Variants in NAT16 observed in about 807,000 individuals in gnomAD.
NAT16 encodes the protein N-acetyltransferase 16 (putative), also known as probable N-acetyltransferase 16.
In NAT16, 16 loss-of-function variants were observed where a neutral mutation model predicts 15.9. The ratio of observed to expected loss-of-function variants is 1.01; its 90% CI spans 0.68 to 1.53. NAT16 has a LOEUF of 1.53. NAT16 is among the 40% of genes most tolerant of loss of function. The pLI is 0.00. For synonymous variants in NAT16, 260 were observed against 241.9 expected, an observed-to-expected ratio of 1.07 and a Z score of -0.69; for missense variants, 572 against 508.4, an observed-to-expected ratio of 1.13 and a Z score of -1.20.
rs1797332448 is a variant in NAT16 at position 101,172,005 on chromosome 7, G to A, written c.*74C>T. 1 of 1,084,580 alleles carries A rather than the reference G, an allele frequency of 9.2e-7. No individual in the cohort carries two copies. Among genetic ancestry groups the A allele is most frequent in the Non-Finnish European group, 1.4e-6 (1 of 736,118 alleles). The allele number at this position is 1,084,580 out of a possible 1,614,324, so 67.2% of individuals were successfully genotyped here. On this transcript the variant is annotated 3_prime_UTR_variant, in exon 4 of 4. Coordinates refer to ENST00000300303, the MANE Select transcript of NAT16 (RefSeq NM_198571.3). This position sits in a 1 kb window ranked among gnomAD's most constrained non-coding sequence, Gnocchi z 4.2. ...CCCAGGAGACGCAGCGTCGGAAATGGCAGGAAAGAGGCTGGCTGGGGAAAC... is the reference window on the plus strand; with the variant it reads ...CCCAGGAGACGCAGCGTCGGAAATGACAGGAAAGAGGCTGGCTGGGGAAAC...
chr7:101,174,115 A>C, intron 2 of NAT16: 1 of 305,512 alleles, frequency 3.3e-6, no homozygotes, highest in Non-Finnish European at 6.0e-6. Context: ...CTCCCCCGGG[A>C]GTTTGCCACG....
chr7:101,174,968 T>C (rs1257400932), intron 1 of NAT16, among the ~76,000 whole-genome samples, 157 bp from the exon 2 acceptor site: 1 of 152,238 alleles, frequency 6.6e-6, no homozygotes, highest in Non-Finnish European at 1.5e-5. Context: ...ATTTATTTAT[T>C]TTTTGAGACG....
chr7:101,174,729 G>T lies in NAT16; in HGVS notation c.79C>A (p.Pro27Thr). The T allele has an allele frequency of 6.2e-7, 1 of 1,611,104 alleles. No individual in the cohort carries two copies. Among genetic ancestry groups the T allele is most frequent in the Non-Finnish European group, 8.5e-7 (1 of 1,179,558 alleles). ...TCCTGTGGCCGGGTTTCAGAGCTTG[G>T]CTCTGCATCTCGGGCAGTCTTCTTT... ...PEKKTARDAE[P>T]SSETRPQEVE... The change falls in exon 2 of 4, where the codon CCA (proline) becomes ACA (threonine). Residue 27 changes from proline (P) to threonine (T), a missense_variant. By Grantham distance (38) the Pro-to-Thr change is conservative (BLOSUM62 -1). Coordinates refer to ENST00000300303, the MANE Select transcript of NAT16 (RefSeq NM_198571.3).
chr7:101,173,860 G>T, intron 2 of NAT16: 1 of 340,014 alleles, frequency 2.9e-6, no homozygotes. Context: ...CCTAGTAGCT[G>T]GGACAACAGG....
chr7:101,172,467 G>C lies in NAT16; in HGVS notation c.722C>G (p.Thr241Ser), dbSNP rs1329726933. Reference protein sequence around the residue: ...SVQRDVLPGGTIIQDWQPYRP... With the variant: ...SVQRDVLPGGSIIQDWQPYRP... ...GTAGGGCTGCCAGTCCTGGATGATG[G>C]TCCCGCCTGGAAGCACGTCGCGCTG... is the stretch of plus-strand genomic sequence containing the variant. Residue 241 changes from threonine (T) to serine (S), a missense_variant, in exon 4 of 4, where the codon ACC (threonine) becomes AGC (serine). Thr to Ser is a moderately conservative substitution (Grantham distance 58). Transcript: ENST00000300303. This position sits in a 1 kb window ranked among gnomAD's most constrained non-coding sequence, Gnocchi z 4.2. 28 of 1,600,542 alleles carry C rather than the reference G, an allele frequency of 1.7e-5. No homozygotes were observed. The highest frequency in any genetic ancestry group is 2.3e-5 in the Non-Finnish European group (27 of 1,177,330).
At chr7:101,173,650 G>T in intron 2 of NAT16, 130 bp from the exon 3 acceptor site, 1 of 766,782 alleles carries the variant, frequency 1.3e-6, no homozygotes, top group South Asian at 1.9e-5. Context: ...GGCCAGGCCT[G>T]GGGTAGCACG....
In NAT16 at chr7:101,172,311, G is replaced by A. The variant is rs756447039; in HGVS notation, c.878C>T (p.Thr293Ile). 6.2e-7 allele frequency: 1 copy of A among 1,610,470 alleles called. No homozygotes were observed. The highest frequency in any genetic ancestry group is 8.5e-7 in the Non-Finnish European group (1 of 1,178,936). ...PFPIPHGGDGTWRYLNIDAFG... is the reference protein window; with the variant it reads ...PFPIPHGGDGIWRYLNIDAFG... The stretch of plus-strand genomic sequence containing the variant: ...GGCGTCGATGTTGAGATAGCGCCAA[G>A]TGCCGTCCCCTCCGTGCGGGATGGG... The change falls in exon 4 of 4, where the codon ACT becomes ATT. Residue 293 changes from threonine to isoleucine, a missense_variant. Thr to Ile is a moderately conservative substitution (Grantham distance 89). Transcript: ENST00000300303. The surrounding 1 kb of genome is among the most constrained non-coding windows in gnomAD (Gnocchi z 4.2).
chr7:101,172,189 A>G lies in NAT16; in HGVS notation c.1000T>C (p.Phe334Leu), dbSNP rs1226486881. 1 of 1,613,930 alleles carries G rather than the reference A, an allele frequency of 6.2e-7. No individual in the cohort carries two copies. Among genetic ancestry groups the G allele is most frequent in the Middle Eastern group, 1.7e-4 (1 of 6,060 alleles). Residue 334 changes from phenylalanine (F) to leucine (L), a missense_variant, in exon 4 of 4, where the codon TTC (phenylalanine) becomes CTC (leucine). Transcript: ENST00000300303. The surrounding 1 kb of genome is among the most constrained non-coding windows in gnomAD (Gnocchi z 4.2). Reference protein sequence around the residue: ...LVGLNVMCQLFLEPQLWSQLA... With the variant: ...LVGLNVMCQLLLEPQLWSQLA... Reference sequence around the variant, plus strand: ...TGTGACCACAGCTGGGGCTCCAGGAAGAGCTGGCACATGACGTTGAGGCCA... The same window carrying G: ...TGTGACCACAGCTGGGGCTCCAGGAGGAGCTGGCACATGACGTTGAGGCCA...
chr7:101,172,675 G>A lies in NAT16; in HGVS notation c.538-24C>T, dbSNP rs201125111. On this transcript the variant is annotated intron_variant, in intron 3 of 3. Coordinates refer to ENST00000300303, the MANE Select transcript of NAT16 (RefSeq NM_198571.3). This position sits in a 1 kb window ranked among gnomAD's most constrained non-coding sequence, Gnocchi z 4.2. ...CCCTGCGGGGGGCACGAGTGAGCGC[G>A]GGGAGGGGGGGCGCAGCAGGGCTGG... is the stretch of plus-strand genomic sequence containing the variant. The A allele has an allele frequency of 1.4e-4, 196 of 1,450,710 alleles. No homozygotes were observed. Among genetic ancestry groups the A allele is most frequent in the Non-Finnish European group, 1.7e-4 (185 of 1,110,192 alleles). The allele number at this position is 1,450,710 out of a possible 1,614,324, so 89.9% of individuals were successfully genotyped here.
chr7:101,172,353 A>G lies in NAT16; in HGVS notation c.836T>C (p.Leu279Pro), dbSNP rs967946590. 1 of 1,590,132 alleles carries G rather than the reference A, an allele frequency of 6.3e-7. No homozygotes were observed. The highest frequency in any genetic ancestry group is 1.3e-5 in the African/African-American group (1 of 74,234). ...DSRARPRVLT[L>P]CTRPFPIPHG... The stretch of plus-strand genomic sequence containing the variant: ...CGGGATGGGGAAGGGGCGCGTGCAC[A>G]GCGTGAGCACGCGCGGGCGCGCGCG... The change falls in exon 4 of 4, where the codon CTG becomes CCG. Residue 279 changes from leucine (L) to proline (P), a missense_variant. Transcript: ENST00000300303. The surrounding 1 kb of genome is among the most constrained non-coding windows in gnomAD (Gnocchi z 4.2).
Position 101,172,242 on chromosome 7 carries a change from T to C in NAT16, c.947A>G (p.His316Arg), listed in dbSNP as rs775212418. The change falls in exon 4 of 4, where the codon CAC becomes CGC. Residue 316 changes from histidine to arginine, a missense_variant. Coordinates refer to ENST00000300303, the MANE Select transcript of NAT16 (RefSeq NM_198571.3). This position sits in a 1 kb window ranked among gnomAD's most constrained non-coding sequence, Gnocchi z 4.2. ...GAQVQSQLLWHLQRQAPRLVG... is the reference protein window; with the variant it reads ...GAQVQSQLLWRLQRQAPRLVG... Reference sequence around the variant, plus strand: ...GAGGCGCGGGGCCTGGCGCTGCAGGTGCCACAGCAGCTGGCTCTGCACCTG... The same window carrying C: ...GAGGCGCGGGGCCTGGCGCTGCAGGCGCCACAGCAGCTGGCTCTGCACCTG... 6.2e-7 allele frequency: 1 copy of C among 1,613,082 alleles called. No individual in the cohort carries two copies.
rs1295231475 is a variant in NAT16, at chr7:101,172,763, G to C, written c.538-112C>G. 1.1e-6 allele frequency: 1 copy of C among 896,766 alleles called. No homozygotes were observed. Among genetic ancestry groups the C allele is most frequent in the African/African-American group, 1.8e-5 (1 of 55,630 alleles). 55.6% of individuals were successfully genotyped at this position (896,766 alleles called of 1,614,324 possible). Reference sequence around the variant, plus strand: ...CGTTCACGCCCACGGGCTCCCACCTGGGTCCCTCTGGAGGAGCGACCGTGA... The same window carrying C: ...CGTTCACGCCCACGGGCTCCCACCTCGGTCCCTCTGGAGGAGCGACCGTGA... On this transcript the variant is annotated intron_variant, in intron 3 of 3. Coordinates refer to ENST00000300303, the MANE Select transcript of NAT16 (RefSeq NM_198571.3). The surrounding 1 kb of genome is among the most constrained non-coding windows in gnomAD (Gnocchi z 4.2).
chr7:101,174,432 C>A, intron 2 of NAT16, 64 bp downstream of exon 2: 1 of 1,495,468 alleles, frequency 6.7e-7, no homozygotes, highest in South Asian at 1.3e-5. Context: ...CCTCCTCTTC[C>A]TAAGATCCAC....
chr7:101,173,558 C>CT, intron 2 of NAT16, 38 bp from the exon 3 acceptor site: 11 of 1,494,846 alleles, frequency 7.4e-6, no homozygotes, highest in Non-Finnish European at 9.8e-6. Flanking sequence ...CCCTCCCCGC[C>CT]TGCGCCCCTG....
chr7:101,173,889 G>A (rs1562874253), intron 2 of NAT16: 1 of 279,912 alleles, frequency 3.6e-6, no homozygotes, highest in Non-Finnish European at 6.6e-6. Context: ...CCTACTCTCG[G>A]CTTTTTATTT....
intron 1 of NAT16, among the ~76,000 whole-genome samples, chr7:101,175,757 G>A (rs987771949): frequency 2.0e-5 from 3 of 151,906 alleles, no homozygotes; most frequent in African/African-American, 7.3e-5. Flanking sequence ...GTGAGACTCT[G>A]TCTATAAAAA....
intron 1 of NAT16, among the ~76,000 whole-genome samples, chr7:101,177,544 G>A (rs755735434): frequency 1.3e-5 from 2 of 151,890 alleles, no homozygotes; most frequent in African/African-American, 4.8e-5. Flanking sequence ...AGAGATGGGG[G>A]TCCCACTATT....
chr7:101,177,424 C>T (rs1797490891), intron 1 of NAT16, among the ~76,000 whole-genome samples: 2 of 152,168 alleles, frequency 1.3e-5, no homozygotes, highest in Non-Finnish European at 2.9e-5. Context: ...CTCACTGCAG[C>T]CTCAACCTCC....
chr7:101,172,157 AGC>A lies in NAT16; in HGVS notation c.1030_1031del (p.Ala344Ter), dbSNP rs1797338024. 1.9e-6 allele frequency: 3 copies of A among 1,614,012 alleles called. No individual in the cohort carries two copies. Among genetic ancestry groups the A allele is most frequent in the Non-Finnish European group, 2.5e-6 (3 of 1,179,904 alleles). Reference protein sequence around the residue: ...FLEPQLWSQLADFCQVGLGLE... With the variant: ...FLEPQLWSQLXDFCQVGLGLE... ...GTCCCAGCCCGACCTGGCAGAAGTC[AGC>A]CAGCTGTGACCACAGCTGGGGCTCC... On this transcript the variant is annotated frameshift_variant, in exon 4 of 4. Transcript: ENST00000300303. LOFTEE classifies it low-confidence loss of function (END_TRUNC). The surrounding 1 kb of genome is among the most constrained non-coding windows in gnomAD (Gnocchi z 4.2).
Sources: allele counts gnomAD v4.1 joint callset (sites outside exome capture counted in the v4.1 genomes callset), GRCh38; gene constraint gnomAD v4.1.1; non-coding constraint Gnocchi (gnomAD v3.1); transcripts MANE v1.5; gene names NCBI Gene and HGNC (gene_info 2026-07-23, HGNC 2026-07-21).